The following SHANK1 variants were observed in gnomAD, a reference collection of about 807,000 sequenced individuals.
SHANK1 encodes the protein SH3 and multiple ankyrin repeat domains 1.
SHANK1 carries 35 observed loss-of-function variants against 165.6 expected under a neutral mutation model. The ratio of observed to expected loss-of-function variants is 0.21; its 90% confidence interval spans 0.16 to 0.28. The LOEUF (loss-of-function observed/expected upper bound fraction) is 0.28. SHANK1 is among the 10% of genes least tolerant of loss of function. The pLI, the probability that SHANK1 is intolerant of heterozygous loss-of-function variation, is 1.00. For missense variants in SHANK1, 2,681 were observed against 3,036.4 expected (o/e 0.88, Z 2.75); for synonymous variants, 1,428 against 1,384.8 (o/e 1.03, Z -0.69).
chr19:50,661,014 TAAG>T lies in SHANK1; in HGVS notation c.*948_*950del, dbSNP rs923448968. On this transcript the variant is annotated 3_prime_UTR_variant, in exon 24 of 24. Transcript: ENST00000293441. ...TGGAAGAATCTGGGGTTTTTAAGAATAAGAAGGGAAAGTGCTTCAACGTAAGAA... is the reference window on the plus strand; with the variant it reads ...TGGAAGAATCTGGGGTTTTTAAGAATAAGGGAAAGTGCTTCAACGTAAGAA... Among the ~76,000 whole-genome samples, 10 of 151,604 alleles carry T rather than the reference TAAG, an allele frequency of 6.6e-5. No individual in the cohort carries two copies. The highest frequency in any genetic ancestry group is 1.2e-4 in the African/African-American group (5 of 41,280).
intron 21 of SHANK1, among the ~76,000 whole-genome samples, chr19:50,684,256 G>A (rs1599852311): frequency 6.7e-6 from 1 of 149,384 alleles, no homozygotes; most frequent in Non-Finnish European, 1.5e-5. Flanking sequence ...ACAGAGTTTC[G>A]CTTTTGTCGC....
chr19:50,668,183 G>A lies in SHANK1; in HGVS notation c.3777C>T (p.Ser1259=), dbSNP rs1252380117. ...CGCCGTCCTCGTCCCCCGCGTCGGT[G>A]GACAGGAACAGCGTGGAGCGCCGGC... ...EARRRSTLFL[S]TDAGDEDGGD... is the part of the protein sequence containing the mutation. The change falls in exon 23 of 24, where the codon TCC becomes TCT. Residue 1259 remains serine, a synonymous_variant. Coordinates refer to ENST00000293441, the MANE Select transcript of SHANK1 (RefSeq NM_016148.5). 1.0e-5 allele frequency: 15 copies of A among 1,491,198 alleles called. No individual in the cohort carries two copies. The highest frequency in any genetic ancestry group is 1.3e-5 in the Non-Finnish European group (15 of 1,131,890). The allele number at this position is 1,491,198 out of a possible 1,614,324, so 92.4% of individuals were successfully genotyped here.
At chr19:50,681,321 G>A (rs528300889) in intron 21 of SHANK1, among the ~76,000 whole-genome samples, 5 of 152,316 alleles carry the variant, frequency 3.3e-5, no homozygotes, top group East Asian at 3.9e-4. Context: ...AAGAAAAGGC[G>A]AGGGGGATGT....
chr19:50,713,221 G>A lies in SHANK1; in HGVS notation c.792+577C>T, dbSNP rs894754367. Among the ~76,000 whole-genome samples the A allele has an allele frequency of 2.0e-5, 3 of 152,184 alleles. No homozygotes were observed. Among genetic ancestry groups the A allele is most frequent in the African/African-American group, 7.2e-5 (3 of 41,428 alleles). On this transcript the variant is annotated intron_variant, in intron 6 of 23. Transcript: ENST00000293441. The surrounding 1 kb of genome is among the most constrained non-coding windows in gnomAD (Gnocchi z 6.2). ...ATCAGGTGTCCTGGCGGGGGCAGGG[G>A]GAGAAGAGTATTTTAAAATTAGACT...
rs1442339832 is a variant in SHANK1 at position 50,718,508 on chromosome 19, C to G, written c.-44+898G>C. Reference sequence around the variant, plus strand: ...CCCCGGGCCGGCTCCGGCCCCTCCCCCTCAGGGCTCGCGGGAGGGAGCGGG... The same window carrying G: ...CCCCGGGCCGGCTCCGGCCCCTCCCGCTCAGGGCTCGCGGGAGGGAGCGGG... On this transcript the variant is annotated intron_variant, in intron 1 of 23. Coordinates refer to ENST00000293441, the MANE Select transcript of SHANK1 (RefSeq NM_016148.5). The surrounding 1 kb of genome is among the most constrained non-coding windows in gnomAD (Gnocchi z 5.1). Among the ~76,000 whole-genome samples, 3 of 152,200 alleles carry G rather than the reference C, an allele frequency of 2.0e-5. No individual in the cohort carries two copies. Among genetic ancestry groups the G allele is most frequent in the Non-Finnish European group, 4.4e-5 (3 of 68,022 alleles).
rs559075619 is a variant in SHANK1 at position 50,701,621 on chromosome 19, A to G, written c.1747+846T>C. Among the ~76,000 whole-genome samples the G allele has an allele frequency of 1.2e-3, 178 of 152,282 alleles. 1 individual carries two copies. Among genetic ancestry groups the G allele is most frequent in the Non-Finnish European group, 2.2e-3 (150 of 68,018 alleles). On this transcript the variant is annotated intron_variant, in intron 12 of 23. Transcript: ENST00000293441. Reference sequence around the variant, plus strand: ...GAAGAAACTGAGGCCCAGAGAAATCACTTGGCTGAGGTCACCCTGCTAGGA... The same window carrying G: ...GAAGAAACTGAGGCCCAGAGAAATCGCTTGGCTGAGGTCACCCTGCTAGGA...
chr19:50,686,071 G>C lies in SHANK1; in HGVS notation c.2577+166C>G, dbSNP rs537116067. ...GGGAAAGGGGATAAGGAGGAAAGGA[G>C]GTCTCCAAAGTTGGGAGAAAGGAGG... On this transcript the variant is annotated intron_variant, in intron 21 of 23. Transcript: ENST00000293441. The surrounding 1 kb of genome is among the most constrained non-coding windows in gnomAD (Gnocchi z 5.7). Among the ~76,000 whole-genome samples, 1 of 152,194 alleles carries C rather than the reference G, an allele frequency of 6.6e-6. No homozygotes were observed. Among genetic ancestry groups the C allele is most frequent in the African/African-American group, 2.4e-5 (1 of 41,538 alleles).
At chr19:50,669,909 G>A (rs1985730915) in intron 22 of SHANK1, among the ~76,000 whole-genome samples, 1 of 152,130 alleles carries the variant, frequency 6.6e-6, no homozygotes. Flanking sequence ...ACTCCAGGAG[G>A]CGTGCAGGAG....
At chr19:50,687,835 G>T (rs1342857509) in intron 18 of SHANK1, 88 bp downstream of exon 18, 1 of 1,539,120 alleles carries the variant, frequency 6.5e-7, no homozygotes, top group Non-Finnish European at 8.9e-7. Context: ...GGAAGGGAAG[G>T]CCTTGGGCAG....
At chr19:50,681,550 C>G (rs780810766) in intron 21 of SHANK1, among the ~76,000 whole-genome samples, 1 of 152,090 alleles carries the variant, frequency 6.6e-6, no homozygotes, top group Admixed American at 6.5e-5. Flanking sequence ...TAACTGGGTT[C>G]GTGCAGGGTA....
rs1986423449 is a variant in SHANK1 at position 50,688,233 on chromosome 19, C to T, written c.2173-175G>A. On this transcript the variant is annotated intron_variant, in intron 17 of 23. Coordinates refer to ENST00000293441, the MANE Select transcript of SHANK1 (RefSeq NM_016148.5). This position sits in a 1 kb window ranked among gnomAD's most constrained non-coding sequence, Gnocchi z 6.7. Reference sequence around the variant, plus strand: ...CTCCCTGGGCAAGCCCCCTTTCCCACCCTCCCTGGCCCCAGGGTTGGGGGA... The same window carrying T: ...CTCCCTGGGCAAGCCCCCTTTCCCATCCTCCCTGGCCCCAGGGTTGGGGGA... 6.6e-6 allele frequency among the ~76,000 whole-genome samples: 1 copy of T among 152,148 alleles called. No homozygotes were observed.
intron 21 of SHANK1, among the ~76,000 whole-genome samples, chr19:50,674,202 C>G (rs1485062472): frequency 6.6e-6 from 1 of 151,880 alleles, no homozygotes; most frequent in Non-Finnish European, 1.5e-5. Flanking sequence ...TCCTTTCCTA[C>G]TGAGTCCCCG....
chr19:50,678,121 G>A (rs1986037589), intron 21 of SHANK1, among the ~76,000 whole-genome samples: 1 of 152,200 alleles, frequency 6.6e-6, no homozygotes, highest in Non-Finnish European at 1.5e-5. Context: ...TACCCATTTG[G>A]ATGATAATGA....
chr19:50,672,952 C>T (rs545602589), intron 21 of SHANK1, among the ~76,000 whole-genome samples: 4 of 152,144 alleles, frequency 2.6e-5, no homozygotes, highest in Admixed American at 2.6e-4. Context: ...GGTGCCCCTG[C>T]AGCTGCCCTC....
chr19:50,687,213 G>A (rs1986377290), intron 19 of SHANK1, among the ~76,000 whole-genome samples: 1 of 151,982 alleles, frequency 6.6e-6, no homozygotes, highest in South Asian at 2.1e-4. Context: ...GGCCTTGTCT[G>A]GAGGGAGGGG....
At position 50,711,940 on chromosome 19, in the gene SHANK1, G is replaced by A; in HGVS notation, c.960+7C>T. ...CCCCAGCCCTTCATGGCCTGAATCA[G>A]GAGCACCTGGTGGATTTCCTGCCAG... On this transcript the variant is annotated splice_region_variant and intron_variant, in intron 7 of 23. Transcript: ENST00000293441. 1 of 1,613,988 alleles carries A rather than the reference G, an allele frequency of 6.2e-7. No individual in the cohort carries two copies. Among genetic ancestry groups the A allele is most frequent in the Non-Finnish European group, 8.5e-7 (1 of 1,180,002 alleles).
intron 23 of SHANK1, among the ~76,000 whole-genome samples, chr19:50,664,884 A>C (rs186545627): frequency 2.6e-5 from 4 of 152,022 alleles, no homozygotes; most frequent in Admixed American, 2.6e-4. Flanking sequence ...CCTACTGAGG[A>C]GCTAGGACTA....
Position 50,660,118 on chromosome 19 carries a change from TGGGG to T in SHANK1, c.*1843_*1846del, listed in dbSNP as rs112388773. Among the ~76,000 whole-genome samples, 4 of 141,880 alleles carry T rather than the reference TGGGG, an allele frequency of 2.8e-5. No individual in the cohort carries two copies. The highest frequency in any genetic ancestry group is 3.1e-5 in the Non-Finnish European group (2 of 63,972). The allele number at this position is 141,880 out of a possible 152,430, so 93.1% of individuals were successfully genotyped here. ...AGCTCCCTTCTTTGGCAGCTGAACA[TGGGG>T]GGGGGACCTGAGGGCAACGCCCTCC... On this transcript the variant is annotated 3_prime_UTR_variant, in exon 24 of 24. Transcript: ENST00000293441.
Position 50,687,136 on chromosome 19 carries a change from C to T in SHANK1, c.2390-324G>A. 8.3e-6 allele frequency: 6 copies of T among 726,726 alleles called. No individual in the cohort carries two copies. The Admixed American group carries it at 1.6e-4, about 19-fold the overall frequency. 45.0% of individuals were successfully genotyped at this position (726,726 alleles called of 1,614,324 possible). On this transcript the variant is annotated intron_variant, in intron 19 of 23. Coordinates refer to ENST00000293441, the MANE Select transcript of SHANK1 (RefSeq NM_016148.5). ...TGGAAGCCCGCCTCCCTCGGGGCCCCGGGGTGGGGGCGGTCAGCTGTCCGA... is the reference window on the plus strand; with the variant it reads ...TGGAAGCCCGCCTCCCTCGGGGCCCTGGGGTGGGGGCGGTCAGCTGTCCGA...
Sources: allele counts gnomAD v4.1 joint callset (sites outside exome capture counted in the v4.1 genomes callset), GRCh38; gene constraint gnomAD v4.1.1; non-coding constraint Gnocchi (gnomAD v3.1); transcripts MANE v1.5; gene names NCBI Gene and HGNC (gene_info 2026-07-23, HGNC 2026-07-21).